The following HDAC9 variants were observed in gnomAD, a reference collection of about 807,000 sequenced individuals.
HDAC9 encodes MEF-2 interacting transcription repressor (MITR) protein.
Under a neutral mutation model 139.4 loss-of-function variants are expected in HDAC9, and 41 were observed. The observed-to-expected ratio is 0.29, with a 90% CI of 0.23 to 0.38. The LOEUF (loss-of-function observed/expected upper bound fraction) is 0.38. Ranked by LOEUF, HDAC9 falls within the 10% of genes least tolerant of loss-of-function variation. The pLI is 1.00. For missense variants in HDAC9, 1,147 were observed against 1,297.0 expected (o/e 0.88, Z 1.78); for synonymous variants, 517 against 476.2 (o/e 1.09, Z -1.12).
chr7:18,215,988 C>T (rs1267912473), intron 2 of HDAC9, among the ~76,000 whole-genome samples: 2 of 152,076 alleles, frequency 1.3e-5, no homozygotes, highest in Non-Finnish European at 2.9e-5. Flanking sequence ...ACTATGGCTT[C>T]TCTCGTCTCG....
intron 2 of HDAC9, among the ~76,000 whole-genome samples, chr7:18,581,011 A>G (rs1827656387): frequency 6.6e-6 from 1 of 152,202 alleles, no homozygotes; most frequent in South Asian, 2.1e-4. Flanking sequence ...AATGTTAAAA[A>G]TAGAAAGAAT....
intron 2 of HDAC9, among the ~76,000 whole-genome samples, chr7:18,556,184 G>A (rs902645499): frequency 6.6e-6 from 1 of 151,996 alleles, no homozygotes; most frequent in Non-Finnish European, 1.5e-5. Context: ...GTAGCACTTC[G>A]TGTTAGAAAT....
chr7:18,163,812 T>C (rs1787824262), intron 2 of HDAC9, among the ~76,000 whole-genome samples: 1 of 152,220 alleles, frequency 6.6e-6, no homozygotes, highest in Non-Finnish European at 1.5e-5. Flanking sequence ...AATTGGATTG[T>C]TTAAAAGAGG....
intron 6 of HDAC9, among the ~76,000 whole-genome samples, chr7:18,613,751 G>A (rs945103256): frequency 3.9e-5 from 6 of 151,916 alleles, no homozygotes; most frequent in African/African-American, 1.5e-4. Flanking sequence ...TCAGCGTTTG[G>A]TCTCTTCTAA....
intron 13 of HDAC9, among the ~76,000 whole-genome samples, chr7:18,739,048 A>G (rs1042052476): frequency 1.3e-5 from 2 of 152,278 alleles, no homozygotes; most frequent in South Asian, 2.1e-4. Flanking sequence ...CCACTTGATC[A>G]AATCAGCTAT....
chr7:18,480,540 A>G (rs1795470431), intron 1 of HDAC9, among the ~76,000 whole-genome samples: 1 of 152,176 alleles, frequency 6.6e-6, no homozygotes, highest in South Asian at 2.1e-4. Flanking sequence ...GAAGAGACAG[A>G]GATACCTGGG....
At chr7:18,318,228 A>C in intron 1 of HDAC9, among the ~76,000 whole-genome samples, 1 of 152,230 alleles carries the variant, frequency 6.6e-6, no homozygotes, top group East Asian at 1.9e-4. Context: ...GGAGAATTAC[A>C]ATAGGACTGT....
At chr7:18,864,933 A>C (rs1015986634) in intron 21 of HDAC9, among the ~76,000 whole-genome samples, 1 of 152,230 alleles carries the variant, frequency 6.6e-6, no homozygotes, top group Admixed American at 6.5e-5. Context: ...TGTACATTTT[A>C]CCACAATAAA....
intron 2 of HDAC9, among the ~76,000 whole-genome samples, chr7:18,575,089 C>G (rs896580654): frequency 1.3e-5 from 2 of 152,246 alleles, no homozygotes; most frequent in Non-Finnish European, 1.5e-5. Flanking sequence ...ACTGCCATCA[C>G]ATGTTTTCCC....
At chr7:18,306,128 G>C (rs1798892035) in intron 1 of HDAC9, among the ~76,000 whole-genome samples, 1 of 152,192 alleles carries the variant, frequency 6.6e-6, no homozygotes, top group South Asian at 2.1e-4. Flanking sequence ...TGGTGTGCTA[G>C]GTAACTAAAG....
rs536818612 is a variant in HDAC9, at chr7:18,538,823, A to G, written c.22+42499A>G. 2.0e-5 allele frequency among the ~76,000 whole-genome samples: 3 copies of G among 152,324 alleles called. No individual in the cohort carries two copies. In the East Asian group the frequency reaches 5.8e-4, roughly 29 times the overall value. ...TTCTGTTTTCTACTTCTGTGTTAGA[A>G]TGCTGGAGACTGTGTAATTTATAGA... On this transcript the variant is annotated intron_variant, in intron 2 of 25. Transcript: ENST00000686413.
intron 12 of HDAC9, among the ~76,000 whole-genome samples, chr7:18,679,180 T>A (rs1307147431): frequency 6.6e-6 from 1 of 151,954 alleles, no homozygotes; most frequent in African/African-American, 2.4e-5. Context: ...ACCAAGTCAG[T>A]TCTCCAGTGT....
At chr7:18,718,217 G>A (rs542460711) in intron 12 of HDAC9, among the ~76,000 whole-genome samples, 3 of 151,906 alleles carry the variant, frequency 2.0e-5, no homozygotes, top group African/African-American at 4.8e-5. Context: ...CGTATTGTAT[G>A]GTATGTGTTT....
chr7:18,713,586 T>C (rs985731816), intron 12 of HDAC9, among the ~76,000 whole-genome samples: 2 of 152,118 alleles, frequency 1.3e-5, no homozygotes, highest in African/African-American at 2.4e-5. Flanking sequence ...TTTAGAAAGA[T>C]TTGTCTTGTC....
At chr7:18,634,822 G>T in intron 8 of HDAC9, 80 bp downstream of exon 8, 1 of 805,588 alleles carries the variant, frequency 1.2e-6, no homozygotes, top group South Asian at 1.6e-5. Flanking sequence ...TTTCTGAGTT[G>T]ACCTTCAATA....
At chr7:18,566,284 G>C (rs1488068859) in intron 2 of HDAC9, among the ~76,000 whole-genome samples, 1 of 152,164 alleles carries the variant, frequency 6.6e-6, no homozygotes, top group Non-Finnish European at 1.5e-5. Context: ...GCCTGTCCTA[G>C]GGTAGTTTTT....
chr7:18,472,715 A>T (rs1217625432), intron 1 of HDAC9, among the ~76,000 whole-genome samples: 1 of 152,250 alleles, frequency 6.6e-6, no homozygotes, highest in East Asian at 1.9e-4. Flanking sequence ...CTTTCTAAAT[A>T]CATAGAGCAT....
At chr7:18,804,068 A>G (rs780987373) in intron 17 of HDAC9, among the ~76,000 whole-genome samples, 5 of 152,318 alleles carry the variant, frequency 3.3e-5, no homozygotes, top group Admixed American at 3.3e-4. Flanking sequence ...TGTGTTATGG[A>G]TAAAAGTAAA....
chr7:18,148,135 A>G (rs1786485563), intron 1 of HDAC9, among the ~76,000 whole-genome samples: 1 of 152,186 alleles, frequency 6.6e-6, no homozygotes, highest in African/African-American at 2.4e-5. Context: ...TCCTATTGCT[A>G]CTGAAACAAA....
Sources: gnomAD v4.1 joint callset for allele counts (sites outside exome capture counted in the v4.1 genomes callset) on GRCh38, gnomAD v4.1.1 for gene constraint, MANE v1.5 for transcripts, NCBI Gene and HGNC (gene_info 2026-07-23, HGNC 2026-07-21) for gene names.